MGST1: variants seen among roughly 807,000 people sequenced by gnomAD.
MGST1 encodes microsomal glutathione S-transferase 1, also known as glutathione S-transferase 12.
In MGST1, 5 loss-of-function variants were observed where a neutral mutation model predicts 8.9. That is an observed-to-expected ratio of 0.56 (90% CI 0.29 to 1.19). The LOEUF is 1.19. Among genes scored for constraint, MGST1 ranks in the 50% most tolerant of loss-of-function variants. MGST1 has a pLI of 0.08. For synonymous variants in MGST1, 54 were observed against 67.8 expected, an observed-to-expected ratio of 0.80 and a Z score of 1.00; for missense variants, 182 against 187.4, an observed-to-expected ratio of 0.97 and a Z score of 0.17.
chr12:16,363,634 G>A lies in MGST1; in HGVS notation c.222-161G>A, dbSNP rs1940097755. The A allele has an allele frequency of 1.4e-5, 7 of 513,770 alleles. No homozygotes were observed. The East Asian group carries it at 2.3e-4, about 17-fold the overall frequency. The allele number at this position is 513,770 out of a possible 1,614,324, so 31.8% of individuals were successfully genotyped here. A position where few individuals can be genotyped will look rare whatever the true frequency, so the allele number is the denominator to read the frequency against. ...ATGAGAGATTCTAAATAAAAGTCAA[G>A]TGGGCAAGGAAGCAAGACAATTTGA... On this transcript the variant is annotated intron_variant, in intron 3 of 3. Coordinates refer to ENST00000396210, the MANE Select transcript of MGST1 (RefSeq NM_020300.5). The surrounding 1 kb of genome is among the most constrained non-coding windows in gnomAD (Gnocchi z 4.6).
chr12:16,369,792 A>G lies in MGST1; in HGVS notation c.222-6330A>G, dbSNP rs1268391332. 6.6e-6 allele frequency: 1 copy of G among 152,196 alleles called. No homozygotes were observed. The highest frequency in any genetic ancestry group is 1.5e-5 in the Non-Finnish European group (1 of 68,046). 9.4% of individuals were successfully genotyped at this position (152,196 alleles called of 1,614,324 possible). On this transcript the variant is annotated intron_variant, in intron 3 of 3. Coordinates refer to the MGST1 transcript ENST00000535309. This position sits in a 1 kb window ranked among gnomAD's most constrained non-coding sequence, Gnocchi z 4.8. ...AGTAGGTTAGCCTGACTGTGCTATC[A>G]CAGCATAGGAGCAAGACAGGAAATG...
At chr12:16,572,258 C>A (rs1942837874) in intron 4 of MGST1, among the ~76,000 whole-genome samples, 1 of 151,328 alleles carries the variant, frequency 6.6e-6, no homozygotes, top group African/African-American at 2.4e-5. Flanking sequence ...TACAATAAAA[C>A]CTGTAGATTA....
chr12:16,422,843 G>C (rs1940850223), intron 1 of MGST1, among the ~76,000 whole-genome samples: 1 of 152,086 alleles, frequency 6.6e-6, no homozygotes, highest in African/African-American at 2.4e-5. Context: ...TCCAGGTACT[G>C]CTTCCTCTAA....
chr12:16,514,840 T>C (rs144301438), intron 4 of MGST1, among the ~76,000 whole-genome samples: 5 of 152,312 alleles, frequency 3.3e-5, no homozygotes, highest in African/African-American at 1.2e-4. Flanking sequence ...TGTAGTGACA[T>C]AGGGCAGAGG....
downstream of MGST1, among the ~76,000 whole-genome samples, chr12:16,379,527 T>C (rs1565443610): frequency 6.6e-6 from 1 of 152,238 alleles, no homozygotes. Context: ...AAGTTTTTGA[T>C]GTGCTGCTGG....
At chr12:16,411,735 C>A (rs1162825669) in intron 1 of MGST1, among the ~76,000 whole-genome samples, 1 of 152,098 alleles carries the variant, frequency 6.6e-6, no homozygotes, top group Admixed American at 6.6e-5. Context: ...GATGTATTCT[C>A]TATGATAATG....
At chr12:16,435,636 G>A (rs1940978946) in intron 1 of MGST1, among the ~76,000 whole-genome samples, 1 of 151,880 alleles carries the variant, frequency 6.6e-6, no homozygotes, top group Admixed American at 6.6e-5. Flanking sequence ...CATGCTGAGT[G>A]CTAGAGATAG....
At chr12:16,400,282 A>G in intron 1 of MGST1, 1 of 803,602 alleles carries the variant, frequency 1.2e-6, no homozygotes, top group Non-Finnish European at 2.2e-6. Flanking sequence ...GACAATAATC[A>G]TTACTCCATC....
At chr12:16,508,968 T>C (rs1156544488) in intron 4 of MGST1, among the ~76,000 whole-genome samples, 1 of 152,160 alleles carries the variant, frequency 6.6e-6, no homozygotes, top group Non-Finnish European at 1.5e-5. Flanking sequence ...CAGCAGTGGT[T>C]TGAAGATTCT....
intron 1 of MGST1, among the ~76,000 whole-genome samples, chr12:16,423,431 C>CAA (rs1039313727): frequency 7.0e-6 from 1 of 143,022 alleles, no homozygotes; most frequent in Non-Finnish European, 1.6e-5. Context: ...AACCTATGTA[C>CAA]AAAAAAAATT....
intron 1 of MGST1, chr12:16,400,966 A>C (rs976238237): frequency 2.0e-5 from 28 of 1,409,386 alleles, no homozygotes; most frequent in Middle Eastern, 1.8e-4. Context: ...TTGCTTCTTC[A>C]TTGAGTTGAG....
At chr12:16,443,409 C>A (rs1302982062), downstream of MGST1, among the ~76,000 whole-genome samples, 1 of 151,670 alleles carries the variant, frequency 6.6e-6, no homozygotes, top group African/African-American at 2.4e-5. Flanking sequence ...ATCCCATCTG[C>A]TCATTATTCC....
intron 4 of MGST1, among the ~76,000 whole-genome samples, chr12:16,568,146 A>G (rs1040497954): frequency 6.6e-6 from 1 of 152,196 alleles, no homozygotes. Flanking sequence ...TTCTCTGGGT[A>G]TTGTATGTTA....
chr12:16,578,818 AAAC>A (rs201327858), intron 4 of MGST1, among the ~76,000 whole-genome samples: 2,754 of 141,082 alleles, frequency 0.02, 54 homozygotes, highest in African/African-American at 0.069. Flanking sequence ...ATTCTGTCTC[AAAC>A]AACAACAACA....
chr12:16,396,234 A>C (rs1258608098), intron 1 of MGST1, among the ~76,000 whole-genome samples: 1 of 152,136 alleles, frequency 6.6e-6, no homozygotes, highest in Non-Finnish European at 1.5e-5. Flanking sequence ...AAAATCCAGC[A>C]TCCCTCTATG....
chr12:16,394,509 TCTCC>T (rs55636016), intron 1 of MGST1, among the ~76,000 whole-genome samples: 48,118 of 129,644 alleles, frequency 0.37, 10,095 homozygotes, highest in East Asian at 0.55. Context: ...TCTCTCTTTC[TCTCC>T]CTTTCTTTCT....
intron 4 of MGST1, among the ~76,000 whole-genome samples, chr12:16,450,794 G>A (rs1941122146): frequency 6.6e-6 from 1 of 151,520 alleles, no homozygotes; most frequent in Non-Finnish European, 1.5e-5. Context: ...CAAATATCTT[G>A]TGAATGTAGG....
chr12:16,459,523 G>T (rs1468312210), intron 4 of MGST1, among the ~76,000 whole-genome samples: 1 of 152,062 alleles, frequency 6.6e-6, no homozygotes, highest in African/African-American at 2.4e-5. Flanking sequence ...GGATCCTGCA[G>T]CCCTTTATTA....
intron 4 of MGST1, among the ~76,000 whole-genome samples, chr12:16,506,854 G>A (rs115913318): frequency 1.1e-3 from 168 of 152,234 alleles, no homozygotes; most frequent in Admixed American, 4.7e-3. Flanking sequence ...AACAATTAAC[G>A]AATGAATTAA....
Sources: gnomAD v4.1 joint callset for allele counts (sites outside exome capture counted in the v4.1 genomes callset) on GRCh38, gnomAD v4.1.1 for gene constraint, Gnocchi (gnomAD v3.1) non-coding constraint, MANE v1.5 for transcripts, NCBI Gene and HGNC (gene_info 2026-07-23, HGNC 2026-07-21) for gene names.